Variants in MECOM observed in about 807,000 individuals in gnomAD.
The protein encoded by MECOM is histone-lysine N-methyltransferase MECOM.
Under a neutral mutation model 116.3 loss-of-function variants are expected in MECOM, and 13 were observed. The observed-to-expected ratio is 0.11, with a 90% CI of 0.07 to 0.18. The LOEUF (loss-of-function observed/expected upper bound fraction) is 0.18, where lower values mean the gene tolerates loss of function less well. MECOM is among the 10% of genes least tolerant of loss of function. The pLI, the probability that MECOM is intolerant of heterozygous loss-of-function variation, is 1.00. For synonymous variants in MECOM, 528 were observed against 535.2 expected (o/e 0.99, Z 0.19); for missense variants, 1,299 against 1,509.0 (o/e 0.86, Z 2.31).
At chr3:169,462,087 C>A (rs1449294171) in intron 1 of MECOM, among the ~76,000 whole-genome samples, 1 of 152,018 alleles carries the variant, frequency 6.6e-6, no homozygotes, top group Admixed American at 6.6e-5. Context: ...TGGTGGCATT[C>A]CAAAGTGTAA....
At chr3:169,097,780 A>C (rs550845823) in intron 12 of MECOM, among the ~76,000 whole-genome samples, 87 of 145,088 alleles carry the variant, frequency 6.0e-4, no homozygotes, top group African/African-American at 2.2e-3. Context: ...GGAGTTCAAA[A>C]CCAGCCTGAG....
chr3:169,405,672 G>C lies in MECOM; in HGVS notation c.38-24148C>G, dbSNP rs544760426. On this transcript the variant is annotated intron_variant, in intron 1 of 16. Transcript: ENST00000651503. ...TTGCAGCAAACAATATGTCCATTTA[G>C]TACTTTCTAATACTTACTGTCATCC... Among the ~76,000 whole-genome samples the C allele has an allele frequency of 6.6e-5, 10 of 152,324 alleles. No individual in the cohort carries two copies. The South Asian group carries it at 1.0e-3, about 16-fold the overall frequency.
intron 1 of MECOM, among the ~76,000 whole-genome samples, chr3:169,398,221 C>A (rs1350177908): frequency 6.6e-6 from 1 of 152,142 alleles, no homozygotes; most frequent in South Asian, 2.1e-4. Flanking sequence ...CAAGATTATT[C>A]TGCTGCAAAC....
At chr3:169,626,395 C>T (rs1407342535) in intron 1 of MECOM, among the ~76,000 whole-genome samples, 1 of 152,228 alleles carries the variant, frequency 6.6e-6, no homozygotes, top group Non-Finnish European at 1.5e-5. Flanking sequence ...AGAAGGTACC[C>T]TGTTGCTTTA....
intron 2 of MECOM, among the ~76,000 whole-genome samples, chr3:169,298,413 G>A (rs1019948717): frequency 1.3e-5 from 2 of 151,622 alleles, no homozygotes; most frequent in Non-Finnish European, 2.9e-5. Context: ...AGAGAAATGT[G>A]TCTTTATATT....
At chr3:169,284,696 TA>T in intron 2 of MECOM, among the ~76,000 whole-genome samples, 1 of 152,172 alleles carries the variant, frequency 6.6e-6, no homozygotes, top group Non-Finnish European at 1.5e-5. Flanking sequence ...AATTCTCTTG[TA>T]AAAAATAAGG....
intron 2 of MECOM, among the ~76,000 whole-genome samples, chr3:169,152,260 T>A (rs1218361507): frequency 2.0e-5 from 3 of 152,210 alleles, no homozygotes; most frequent in African/African-American, 2.4e-5. Flanking sequence ...TTATTTTTTT[T>A]ATCTATTGGG....
intron 2 of MECOM, among the ~76,000 whole-genome samples, chr3:169,204,914 C>T (rs962561509): frequency 6.6e-6 from 1 of 152,158 alleles, no homozygotes; most frequent in Non-Finnish European, 1.5e-5. Flanking sequence ...AAGCTGACCG[C>T]ATCCTCTGCA....
rs116350761 is a variant in MECOM, at chr3:169,594,239, C to T, written c.37+69097G>A. On this transcript the variant is annotated intron_variant, in intron 1 of 16. Coordinates refer to ENST00000651503, the MANE Select transcript of MECOM (RefSeq NM_004991.4). The stretch of plus-strand genomic sequence containing the variant: ...AAAAACAATGCTCTCTTAAAACTAG[C>T]TGACCCTTTGCTCTAAGCATAAAGA... Among the ~76,000 whole-genome samples, 954 of 150,144 alleles carry T rather than the reference C, an allele frequency of 6.4e-3. 8 individuals are homozygous for T. The highest frequency in any genetic ancestry group is 0.023 in the African/African-American group (917 of 40,552).
At chr3:169,217,868 A>T (rs911878772) in intron 2 of MECOM, among the ~76,000 whole-genome samples, 16 of 149,852 alleles carry the variant, frequency 1.1e-4, no homozygotes, top group Admixed American at 8.0e-4. Context: ...AATCCCCATA[A>T]TTTCAAAATT....
chr3:169,347,293 A>C (rs1029872326), intron 2 of MECOM, among the ~76,000 whole-genome samples: 3 of 152,060 alleles, frequency 2.0e-5, no homozygotes, highest in Admixed American at 6.6e-5. Context: ...AATATTTAAA[A>C]GAATTAGCTA....
At chr3:169,643,563 C>T (rs1056762793) in intron 1 of MECOM, among the ~76,000 whole-genome samples, 1 of 152,160 alleles carries the variant, frequency 6.6e-6, no homozygotes, top group Non-Finnish European at 1.5e-5. Context: ...CTACCATTTC[C>T]TTCTGCTTAC....
rs796261584 is a variant in MECOM at position 169,162,958 on chromosome 3, A to T, written c.376-19126T>A. 6.3e-4 allele frequency among the ~76,000 whole-genome samples: 96 copies of T among 152,322 alleles called. 1 individual carries two copies. The highest frequency in any genetic ancestry group is 2.3e-3 in the African/African-American group (95 of 41,574). ...GCAAACTAGAAATATTTTATTTCAGATAATGGGTCTTCCTATTTTGTTTAA... is the reference window on the plus strand; with the variant it reads ...GCAAACTAGAAATATTTTATTTCAGTTAATGGGTCTTCCTATTTTGTTTAA... On this transcript the variant is annotated intron_variant, in intron 2 of 16. Coordinates refer to ENST00000651503, the MANE Select transcript of MECOM (RefSeq NM_004991.4).
At chr3:169,509,477 T>C (rs1416803125) in intron 1 of MECOM, among the ~76,000 whole-genome samples, 1 of 152,158 alleles carries the variant, frequency 6.6e-6, no homozygotes, top group African/African-American at 2.4e-5. Flanking sequence ...AAACTGAAAC[T>C]CTGTACCCAA....
intron 3 of MECOM, among the ~76,000 whole-genome samples, chr3:169,137,258 A>G (rs1736640683): frequency 6.6e-6 from 1 of 152,118 alleles, no homozygotes; most frequent in African/African-American, 2.4e-5. Context: ...CATATCTGTC[A>G]GTCTTGGTAC....
chr3:169,457,228 T>C (rs572508195), intron 1 of MECOM, among the ~76,000 whole-genome samples: 16 of 152,258 alleles, frequency 1.1e-4, no homozygotes, highest in Non-Finnish European at 1.3e-4. Context: ...CTAATTAATA[T>C]AGCCCATGGA....
At chr3:169,568,370 C>A (rs1161810705) in intron 1 of MECOM, among the ~76,000 whole-genome samples, 1 of 152,044 alleles carries the variant, frequency 6.6e-6, no homozygotes, top group African/African-American at 2.4e-5. Flanking sequence ...CGAGACAGAA[C>A]TGTTCACTCC....
At chr3:169,414,779 T>C (rs1738245560) in intron 1 of MECOM, among the ~76,000 whole-genome samples, 2 of 152,036 alleles carry the variant, frequency 1.3e-5, no homozygotes, top group Non-Finnish European at 2.9e-5. Flanking sequence ...GAAGAAAGGG[T>C]ATCAGAGATT....
chr3:169,343,629 T>C (rs866953958), intron 2 of MECOM, among the ~76,000 whole-genome samples: 31 of 152,206 alleles, frequency 2.0e-4, no homozygotes, highest in African/African-American at 7.2e-4. Flanking sequence ...TCAGTGTTGC[T>C]GTTAATTTAA....
Sources: allele counts gnomAD v4.1 joint callset (sites outside exome capture counted in the v4.1 genomes callset), GRCh38; gene constraint gnomAD v4.1.1; transcripts MANE v1.5; gene names NCBI Gene and HGNC (gene_info 2026-07-23, HGNC 2026-07-21).